VPS41: variants seen among roughly 807,000 people sequenced by gnomAD.
The protein encoded by VPS41 is VPS41 subunit of HOPS complex.
In VPS41, 85 loss-of-function variants were observed where a neutral mutation model predicts 130.9. The observed-to-expected ratio is 0.65, with a 90% confidence interval of 0.55 to 0.78. The LOEUF (loss-of-function observed/expected upper bound fraction) is 0.78, where lower values mean the gene tolerates loss of function less well. Ranked by LOEUF, VPS41 falls within the 30% of genes least tolerant of loss-of-function variation. VPS41 has a pLI of 0.00. For missense variants in VPS41, 874 were observed against 1,018.7 expected (o/e 0.86, Z 1.93); for synonymous variants, 335 against 332.9 (o/e 1.01, Z -0.07).
chr7:38,824,427 C>G (rs1785231485), intron 5 of VPS41, among the ~76,000 whole-genome samples: 1 of 152,180 alleles, frequency 6.6e-6, no homozygotes, highest in Admixed American at 6.5e-5. Flanking sequence ...CATAGCAAAA[C>G]TGCTAGGTCT....
intron 4 of VPS41, among the ~76,000 whole-genome samples, chr7:38,841,530 T>C (rs942315563): frequency 6.6e-6 from 1 of 152,230 alleles, no homozygotes; most frequent in African/African-American, 2.4e-5. Context: ...CCCATGGCTT[T>C]CTGGCACCTG....
At chr7:38,821,124 G>A in intron 6 of VPS41, 79 bp downstream of exon 6, 2 of 1,023,394 alleles carry the variant, frequency 2.0e-6, no homozygotes, top group Non-Finnish European at 3.0e-6. Flanking sequence ...TACAGAAGTG[G>A]TAATGTTCAA....
At chr7:38,752,734 C>T (rs1014200813) in intron 21 of VPS41, among the ~76,000 whole-genome samples, 1 of 152,118 alleles carries the variant, frequency 6.6e-6, no homozygotes, top group Admixed American at 6.6e-5. Context: ...TCTGCTTTGG[C>T]TCAGAAATAA....
At chr7:38,769,937 A>G (rs1784121203) in intron 14 of VPS41, among the ~76,000 whole-genome samples, 1 of 152,090 alleles carries the variant, frequency 6.6e-6, no homozygotes, top group Non-Finnish European at 1.5e-5. Flanking sequence ...CTTAATTACG[A>G]ACGGCACTTC....
intron 25 of VPS41, among the ~76,000 whole-genome samples, chr7:38,735,372 T>C (rs1283958945): frequency 6.6e-6 from 1 of 152,134 alleles, no homozygotes; most frequent in Non-Finnish European, 1.5e-5. Flanking sequence ...AATAGAGATA[T>C]GGGAAATAAA....
intron 7 of VPS41, among the ~76,000 whole-genome samples, chr7:38,809,124 G>A (rs972910462): frequency 1.3e-5 from 2 of 151,984 alleles, no homozygotes; most frequent in Non-Finnish European, 2.9e-5. Flanking sequence ...GCTTGAACGT[G>A]GCAATCACTT....
chr7:38,870,290 T>C (rs1305950379), intron 2 of VPS41, among the ~76,000 whole-genome samples: 2 of 152,142 alleles, frequency 1.3e-5, no homozygotes, highest in South Asian at 2.1e-4. Flanking sequence ...CTGCAAAGGA[T>C]GAAGCTAAAA....
intron 7 of VPS41, among the ~76,000 whole-genome samples, chr7:38,815,763 A>C (rs751494046): frequency 6.6e-6 from 1 of 152,152 alleles, no homozygotes; most frequent in Admixed American, 6.5e-5. Flanking sequence ...CTCCCAGCCT[A>C]CATCTTTCTC....
intron 2 of VPS41, among the ~76,000 whole-genome samples, chr7:38,883,674 A>AGTC (rs1786661066): frequency 6.6e-6 from 1 of 151,444 alleles, no homozygotes; most frequent in Non-Finnish European, 1.5e-5. Context: ...ATGATCAACC[A>AGTC]ATCTTGGACT....
intron 2 of VPS41, among the ~76,000 whole-genome samples, chr7:38,878,157 A>G (rs1361613930): frequency 6.6e-6 from 1 of 152,216 alleles, no homozygotes; most frequent in Non-Finnish European, 1.5e-5. Flanking sequence ...GAAGGTGGGC[A>G]CTGCAGGGAC....
chr7:38,781,647 T>C (rs1784356007), intron 10 of VPS41, among the ~76,000 whole-genome samples: 1 of 152,198 alleles, frequency 6.6e-6, no homozygotes, highest in Admixed American at 6.5e-5. Context: ...TTTTTGTTCT[T>C]ATTGCTTTGT....
chr7:38,849,924 A>G (rs1785814495), intron 4 of VPS41, among the ~76,000 whole-genome samples: 3 of 152,036 alleles, frequency 2.0e-5, no homozygotes, highest in Middle Eastern at 3.4e-3. Flanking sequence ...CCCCCCTTCC[A>G]TATCTTTACA....
At chr7:38,755,430 G>T (rs550296793) in intron 19 of VPS41, among the ~76,000 whole-genome samples, 1 of 152,274 alleles carries the variant, frequency 6.6e-6, no homozygotes, top group African/African-American at 2.4e-5. Flanking sequence ...TGAGATACCT[G>T]AAGTTTCATA....
At chr7:38,789,758 A>C in intron 10 of VPS41, 43 bp downstream of exon 10, 1 of 1,605,992 alleles carries the variant, frequency 6.2e-7, no homozygotes, top group Non-Finnish European at 8.5e-7. Flanking sequence ...GAAAATTTTG[A>C]ATGAAGTTTT....
intron 4 of VPS41, among the ~76,000 whole-genome samples, chr7:38,841,448 C>T (rs1414950323): frequency 6.6e-6 from 1 of 152,212 alleles, no homozygotes; most frequent in East Asian, 1.9e-4. Flanking sequence ...ACCTGAATGA[C>T]ACCACCAAAA....
Position 38,754,893 on chromosome 7 carries a change from A to C in VPS41, c.1737+2T>G. On this transcript the variant is annotated splice_donor_variant, in intron 20 of 28. Coordinates refer to ENST00000310301, the MANE Select transcript of VPS41 (RefSeq NM_014396.4). LOFTEE classifies it high-confidence loss of function. ...ACACATATAAAAACAAATGACACTC[A>C]CTGAAATTTTATCTTCATTGTCCAA... The C allele has an allele frequency of 6.2e-7, 1 of 1,613,478 alleles. No homozygotes were observed. The highest frequency in any genetic ancestry group is 8.5e-7 in the Non-Finnish European group (1 of 1,179,592).
intron 17 of VPS41, among the ~76,000 whole-genome samples, chr7:38,758,821 C>T (rs7785911): frequency 0.64 from 98,031 of 151,988 alleles, 32,887 homozygotes; most frequent in Admixed American, 0.78. Flanking sequence ...TTAAATCAAT[C>T]ATGTCTAAGT....
intron 11 of VPS41, chr7:38,775,206 C>T (rs1384809232): frequency 2.0e-5 from 3 of 152,072 alleles, no homozygotes; most frequent in African/African-American, 7.2e-5. Context: ...TTCCTTTTGC[C>T]TTAATTTTAT....
At chr7:38,812,758 T>C (rs1784969649) in intron 7 of VPS41, among the ~76,000 whole-genome samples, 1 of 152,088 alleles carries the variant, frequency 6.6e-6, no homozygotes, top group Admixed American at 6.5e-5. Flanking sequence ...AAAGAAGATA[T>C]GCAAATGGCC....
Sources: gnomAD v4.1 joint callset for allele counts (sites outside exome capture counted in the v4.1 genomes callset) on GRCh38, gnomAD v4.1.1 for gene constraint, MANE v1.5 for transcripts, NCBI Gene and HGNC (gene_info 2026-07-23, HGNC 2026-07-21) for gene names.